Variants in IRF2 observed in about 807,000 individuals in gnomAD.
IRF2 encodes the protein interferon regulatory factor 2.
IRF2 carries 15 observed loss-of-function variants against 40.6 expected under a neutral mutation model. That is an observed-to-expected ratio of 0.37 (90% confidence interval 0.25 to 0.57). The LOEUF is 0.57. Among genes scored for constraint, IRF2 ranks in the 20% least tolerant of loss-of-function variants. The pLI is 0.77. For missense variants in IRF2, 317 were observed against 455.7 expected (o/e 0.70, Z 2.77); for synonymous variants, 151 against 165.5 (o/e 0.91, Z 0.67).
Position 184,387,891 on chromosome 4 carries a change from T to C in IRF2, c.*867A>G, listed in dbSNP as rs1736114807. ...AACAAGAAAAGGAATCTTAAAATTA[T>C]AAATTTGCTGTAGAAAAGATAAAAA... On this transcript the variant is annotated 3_prime_UTR_variant, in exon 9 of 9. Transcript: ENST00000393593. The C allele has an allele frequency of 6.6e-6, 1 of 152,500 alleles. No individual in the cohort carries two copies. Among genetic ancestry groups the C allele is most frequent in the Admixed American group, 6.5e-5 (1 of 15,280 alleles). 9.4% of individuals were successfully genotyped at this position (152,500 alleles called of 1,614,324 possible). A position where few individuals can be genotyped will look rare whatever the true frequency, so the allele number is the denominator to read the frequency against.
chr4:184,466,763 C>T, intron 1 of IRF2, among the ~76,000 whole-genome samples: 1 of 152,166 alleles, frequency 6.6e-6, no homozygotes, highest in Non-Finnish European at 1.5e-5. Context: ...GTGTGAACAT[C>T]ACAGAGTGTA....
intron 8 of IRF2, among the ~76,000 whole-genome samples, chr4:184,389,835 G>A (rs922290384): frequency 1.3e-5 from 2 of 152,272 alleles, no homozygotes; most frequent in East Asian, 1.9e-4. Context: ...AAAAGGCAGC[G>A]AGGAACTTAG....
chr4:184,455,035 C>A (rs1359638119), intron 1 of IRF2, among the ~76,000 whole-genome samples: 1 of 152,128 alleles, frequency 6.6e-6, no homozygotes, highest in Non-Finnish European at 1.5e-5. Context: ...TATTCTCCAC[C>A]CTGCACATTC....
At chr4:184,444,273 C>G (rs775941891) in intron 1 of IRF2, among the ~76,000 whole-genome samples, 3 of 152,104 alleles carry the variant, frequency 2.0e-5, no homozygotes, top group African/African-American at 7.2e-5. Context: ...GCCATTGCCC[C>G]AAAAATTCAG....
chr4:184,415,997 AT>A (rs1406681850), intron 5 of IRF2, among the ~76,000 whole-genome samples: 1 of 152,218 alleles, frequency 6.6e-6, no homozygotes, highest in Non-Finnish European at 1.5e-5. Flanking sequence ...TTCTGACTAA[AT>A]AACATGAATC....
intron 1 of IRF2, among the ~76,000 whole-genome samples, chr4:184,453,298 T>C (rs1738795855): frequency 6.6e-6 from 1 of 152,232 alleles, no homozygotes; most frequent in Non-Finnish European, 1.5e-5. Context: ...TTGAAACTCA[T>C]GCTGGGACCC....
chr4:184,434,350 G>A (rs748947768), intron 1 of IRF2, among the ~76,000 whole-genome samples: 1 of 152,158 alleles, frequency 6.6e-6, no homozygotes, highest in South Asian at 2.1e-4. Flanking sequence ...AGAAAAATGG[G>A]ACGTTTTAAA....
intron 1 of IRF2, among the ~76,000 whole-genome samples, chr4:184,429,646 G>A (rs1398245163): frequency 1.3e-5 from 2 of 152,178 alleles, no homozygotes; most frequent in African/African-American, 2.4e-5. Flanking sequence ...CAGAGCCCCT[G>A]GAAGCCTGCA....
chr4:184,400,884 CAATA>C, intron 6 of IRF2, among the ~76,000 whole-genome samples: 1 of 152,312 alleles, frequency 6.6e-6, no homozygotes, highest in African/African-American at 2.4e-5. Context: ...AAATTAGCTT[CAATA>C]AATAAAGGTG....
intron 7 of IRF2, among the ~76,000 whole-genome samples, chr4:184,394,638 C>T (rs3756089): frequency 0.12 from 17,833 of 151,924 alleles, 1,170 homozygotes; most frequent in East Asian, 0.24. Context: ...GCGATCTCCA[C>T]TCTCTCATTA....
chr4:184,461,890 A>T (rs1739161558), intron 1 of IRF2, among the ~76,000 whole-genome samples: 1 of 152,150 alleles, frequency 6.6e-6, no homozygotes, highest in African/African-American at 2.4e-5. Context: ...CCCTACAGGG[A>T]CCTTCCTCGC....
chr4:184,408,814 G>A lies in IRF2; in HGVS notation c.412-539C>T, dbSNP rs1178001074. 6.6e-6 allele frequency among the ~76,000 whole-genome samples: 1 copy of A among 152,256 alleles called. No individual in the cohort carries two copies. Among genetic ancestry groups the A allele is most frequent in the Non-Finnish European group, 1.5e-5 (1 of 68,050 alleles). On this transcript the variant is annotated intron_variant, in intron 5 of 8. Coordinates refer to ENST00000393593, the MANE Select transcript of IRF2 (RefSeq NM_002199.4). The surrounding 1 kb of genome is among the most constrained non-coding windows in gnomAD (Gnocchi z 4.9). The stretch of plus-strand genomic sequence containing the variant: ...ATGGCCTCTGGCCACCTGAGGCCCT[G>A]CATTGGATGGCTGGCTGATCACCCT...
intron 1 of IRF2, among the ~76,000 whole-genome samples, chr4:184,457,426 C>G (rs1738985335): frequency 6.6e-6 from 1 of 152,196 alleles, no homozygotes; most frequent in Admixed American, 6.5e-5. Flanking sequence ...AACTTCTGCC[C>G]TATGAAGGCA....
At chr4:184,473,447 G>A (rs1388409897) in intron 1 of IRF2, among the ~76,000 whole-genome samples, 1 of 147,510 alleles carries the variant, frequency 6.8e-6, no homozygotes, top group Non-Finnish European at 1.5e-5. Flanking sequence ...CTGACCCCTC[G>A]GCACGGTGCC....
rs921956261 is a variant in IRF2, at chr4:184,388,050, C to T, written c.*708G>A. On this transcript the variant is annotated 3_prime_UTR_variant, in exon 9 of 9. Coordinates refer to ENST00000393593, the MANE Select transcript of IRF2 (RefSeq NM_002199.4). The surrounding 1 kb of genome is among the most constrained non-coding windows in gnomAD (Gnocchi z 4.6). ...GAATTTGCATAATATTTCCATGATACTTTTTCCTTTGTACCGCGTGGCATT... is the reference window on the plus strand; with the variant it reads ...GAATTTGCATAATATTTCCATGATATTTTTTCCTTTGTACCGCGTGGCATT... The T allele has an allele frequency of 7.2e-5, 11 of 152,560 alleles. No individual in the cohort carries two copies. The highest frequency in any genetic ancestry group is 3.3e-4 in the Admixed American group (5 of 15,268). The allele number at this position is 152,560 out of a possible 1,614,324, so 9.5% of individuals were successfully genotyped here.
At chr4:184,453,893 G>C (rs1208751413) in intron 1 of IRF2, among the ~76,000 whole-genome samples, 1 of 152,168 alleles carries the variant, frequency 6.6e-6, no homozygotes, top group Non-Finnish European at 1.5e-5. Context: ...ACAAGAGAGA[G>C]GAGATGTCAA....
At chr4:184,455,089 A>T (rs996439518) in intron 1 of IRF2, among the ~76,000 whole-genome samples, 4 of 152,036 alleles carry the variant, frequency 2.6e-5, no homozygotes, top group Non-Finnish European at 5.9e-5. Flanking sequence ...CCTTGCAGAA[A>T]ATCCTTCCAT....
intron 1 of IRF2, among the ~76,000 whole-genome samples, chr4:184,456,792 C>G (rs1243312032): frequency 1.3e-5 from 2 of 152,258 alleles, no homozygotes; most frequent in Admixed American, 6.5e-5. Context: ...CTACGCGAGT[C>G]CTGTGGCTCG....
chr4:184,419,943 C>T (rs1408378150), intron 2 of IRF2, among the ~76,000 whole-genome samples: 1 of 152,234 alleles, frequency 6.6e-6, no homozygotes, highest in African/African-American at 2.4e-5. Context: ...TATCGGCTCA[C>T]TACAACCTCC....
Sources: gnomAD v4.1 joint callset for allele counts (sites outside exome capture counted in the v4.1 genomes callset) on GRCh38, gnomAD v4.1.1 for gene constraint, Gnocchi (gnomAD v3.1) non-coding constraint, MANE v1.5 for transcripts, NCBI Gene and HGNC (gene_info 2026-07-23, HGNC 2026-07-21) for gene names.